The following APBB2 variants were observed in gnomAD, a reference collection of about 807,000 sequenced individuals.
The protein encoded by APBB2 is Fe65-like 1.
In APBB2, 38 loss-of-function variants were observed where a neutral mutation model predicts 82.5. That is an observed-to-expected ratio of 0.46 (90% CI 0.36 to 0.60). The LOEUF is 0.60. Among genes scored for constraint, APBB2 ranks in the 20% least tolerant of loss-of-function variants. The pLI, the probability that APBB2 is intolerant of heterozygous loss-of-function variation, is 0.00. For synonymous variants in APBB2, 341 were observed against 368.2 expected (o/e 0.93, Z 0.85); for missense variants, 772 against 972.3 (o/e 0.79, Z 2.74).
chr4:40,907,413 A>G (rs1342474128), intron 10 of APBB2, among the ~76,000 whole-genome samples: 1 of 121,178 alleles, frequency 8.3e-6, no homozygotes, highest in Non-Finnish European at 1.6e-5. Context: ...ACAGAGTCTC[A>G]CTCTGTCACC....
chr4:40,837,215 C>T (rs906657886), intron 12 of APBB2, among the ~76,000 whole-genome samples: 2 of 151,910 alleles, frequency 1.3e-5, no homozygotes, highest in Admixed American at 1.3e-4. Context: ...ACATGGCCAT[C>T]AGGCGTCAGG....
chr4:40,853,227 T>A (rs1446600052), intron 12 of APBB2, among the ~76,000 whole-genome samples: 1 of 152,092 alleles, frequency 6.6e-6, no homozygotes, highest in Non-Finnish European at 1.5e-5. Flanking sequence ...GGTCCCTCGT[T>A]TTCCACTCCT....
At chr4:41,067,958 G>A (rs1732518520) in intron 3 of APBB2, among the ~76,000 whole-genome samples, 1 of 152,158 alleles carries the variant, frequency 6.6e-6, no homozygotes, top group Non-Finnish European at 1.5e-5. Context: ...GTCTAAGGGG[G>A]AAGAGGTAAA....
At chr4:41,058,122 C>T (rs935038380) in intron 4 of APBB2, among the ~76,000 whole-genome samples, 1 of 152,126 alleles carries the variant, frequency 6.6e-6, no homozygotes, top group Non-Finnish European at 1.5e-5. Context: ...CCAGGGCATC[C>T]GATTCCTCCT....
chr4:41,065,341 A>G (rs1006383577), intron 4 of APBB2, among the ~76,000 whole-genome samples: 2 of 152,160 alleles, frequency 1.3e-5, no homozygotes, highest in Non-Finnish European at 2.9e-5. Flanking sequence ...CAGAAAAAGG[A>G]GATTGTTGAC....
chr4:40,932,710 G>A (rs1041360041), intron 10 of APBB2, among the ~76,000 whole-genome samples: 5 of 152,138 alleles, frequency 3.3e-5, no homozygotes, highest in Admixed American at 6.5e-5. Flanking sequence ...TGTTAGCACC[G>A]AAGATCAGAT....
At chr4:40,874,375 C>T (rs187736164) in intron 12 of APBB2, among the ~76,000 whole-genome samples, 3 of 152,248 alleles carry the variant, frequency 2.0e-5, no homozygotes, top group South Asian at 2.1e-4. Context: ...ATATAAAGGA[C>T]GTCTTCAGGG....
chr4:40,818,456 A>G (rs1268591854), intron 17 of APBB2, among the ~76,000 whole-genome samples: 1 of 152,242 alleles, frequency 6.6e-6, no homozygotes, highest in African/African-American at 2.4e-5. Flanking sequence ...TAAGTCGGAA[A>G]GCCATTCATT....
intron 2 of APBB2, among the ~76,000 whole-genome samples, chr4:41,140,823 G>C (rs13113794): frequency 0.25 from 38,555 of 152,116 alleles, 5,257 homozygotes; most frequent in Middle Eastern, 0.37. Flanking sequence ...CTTCCTATGA[G>C]AATGTAATGC....
intron 2 of APBB2, among the ~76,000 whole-genome samples, chr4:41,137,173 T>C (rs1757809612): frequency 6.6e-6 from 1 of 152,148 alleles, no homozygotes; most frequent in Admixed American, 6.5e-5. Flanking sequence ...AATTCATAGG[T>C]TTTCTATTTA....
intron 4 of APBB2, among the ~76,000 whole-genome samples, chr4:41,053,578 G>A (rs1002564728): frequency 4.0e-5 from 6 of 151,516 alleles, no homozygotes; most frequent in African/African-American, 1.5e-4. Flanking sequence ...AATAAAGCCT[G>A]TTGGAGCTTA....
At chr4:41,119,378 T>C (rs1752107718) in intron 2 of APBB2, among the ~76,000 whole-genome samples, 1 of 152,020 alleles carries the variant, frequency 6.6e-6, no homozygotes, top group South Asian at 2.1e-4. Flanking sequence ...TTCCTCCTTT[T>C]ATACAACACT....
At chr4:40,902,378 A>C (rs1425136517) in intron 10 of APBB2, among the ~76,000 whole-genome samples, 1 of 152,222 alleles carries the variant, frequency 6.6e-6, no homozygotes, top group African/African-American at 2.4e-5. Flanking sequence ...GGCTCTACAT[A>C]GGAAATGATC....
At chr4:40,842,457 G>A (rs535234844) in intron 12 of APBB2, 15 of 433,502 alleles carry the variant, frequency 3.5e-5, no homozygotes, top group African/African-American at 6.0e-5. Context: ...ACACAGCCCC[G>A]TTAACAGCGA....
chr4:40,836,264 G>C (rs1753909615), intron 12 of APBB2, among the ~76,000 whole-genome samples: 1 of 152,106 alleles, frequency 6.6e-6, no homozygotes, highest in Non-Finnish European at 1.5e-5. Flanking sequence ...ATCTCTTCAG[G>C]TCAGGAGTTC....
chr4:41,025,944 C>CAAAA (rs71198626), intron 5 of APBB2, among the ~76,000 whole-genome samples: 19 of 68,154 alleles, frequency 2.8e-4, no homozygotes, highest in Non-Finnish European at 3.5e-4. Flanking sequence ...TCCATCTCCA[C>CAAAA]AAAAAAAAAA....
chr4:41,040,941 C>T (rs6843477), intron 4 of APBB2, among the ~76,000 whole-genome samples: 13,930 of 152,074 alleles, frequency 0.092, 768 homozygotes, highest in Admixed American at 0.15. Context: ...AGTGCAGTGT[C>T]GCAATCTCGG....
In APBB2 at chr4:40,826,373, G is replaced by A. The variant is rs927428634; in HGVS notation, c.1733-403C>T. 4.1e-5 allele frequency among the ~76,000 whole-genome samples: 6 copies of A among 146,076 alleles called. No individual in the cohort carries two copies. Among genetic ancestry groups the A allele is most frequent in the Admixed American group, 4.1e-4 (6 of 14,642 alleles). On this transcript the variant is annotated intron_variant, in intron 14 of 17. Coordinates refer to ENST00000508593, the MANE Select transcript of APBB2 (RefSeq NM_004307.2). This position sits in a 1 kb window ranked among gnomAD's most constrained non-coding sequence, Gnocchi z 4.5. ...TGAGTTCCCCCAGTAATCAACCCAC[G>A]TTTTTTTTTTTTTAGAGACAAGAGT...
At chr4:40,844,930 A>C (rs1288808534) in intron 12 of APBB2, among the ~76,000 whole-genome samples, 1 of 152,232 alleles carries the variant, frequency 6.6e-6, no homozygotes, top group Non-Finnish European at 1.5e-5. Context: ...AACTTTAAAA[A>C]TCTAACAATC....
Sources: gnomAD v4.1 joint callset for allele counts (sites outside exome capture counted in the v4.1 genomes callset) on GRCh38, gnomAD v4.1.1 for gene constraint, Gnocchi (gnomAD v3.1) non-coding constraint, MANE v1.5 for transcripts, NCBI Gene and HGNC (gene_info 2026-07-23, HGNC 2026-07-21) for gene names.